Variants in PLPP3 observed in about 807,000 individuals in gnomAD.
The protein encoded by PLPP3 is PAP2 beta.
Under a neutral mutation model 29.6 loss-of-function variants are expected in PLPP3, and 6 were observed. The observed-to-expected ratio is 0.20, with a 90% CI of 0.11 to 0.40. The LOEUF (loss-of-function observed/expected upper bound fraction) is 0.40. Ranked by LOEUF, PLPP3 falls within the 10% of genes least tolerant of loss-of-function variation. The pLI is 1.00. For missense variants in PLPP3, 308 were observed against 407.7 expected (o/e 0.76, Z 2.11); for synonymous variants, 152 against 159.7 (o/e 0.95, Z 0.36).
chr1:56,535,753 A>G (rs1369008972), intron 2 of PLPP3, among the ~76,000 whole-genome samples: 1 of 152,136 alleles, frequency 6.6e-6, no homozygotes, highest in Non-Finnish European at 1.5e-5. Flanking sequence ...CTACTTTAGC[A>G]TTTTCCTTTG....
chr1:56,545,992 C>A (rs1646003169), intron 1 of PLPP3, among the ~76,000 whole-genome samples: 1 of 152,244 alleles, frequency 6.6e-6, no homozygotes, highest in Non-Finnish European at 1.5e-5. Flanking sequence ...GGCCCGCGAT[C>A]TAGCTCAAAG....
chr1:56,535,821 G>A (rs1645923217), intron 2 of PLPP3, among the ~76,000 whole-genome samples: 1 of 152,156 alleles, frequency 6.6e-6, no homozygotes, highest in African/African-American at 2.4e-5. Context: ...GACTCTCAAC[G>A]TTCCAGTGAG....
chr1:56,516,798 T>G (rs1645784202), intron 4 of PLPP3: 1 of 150,002 alleles, frequency 6.7e-6, no homozygotes, highest in African/African-American at 2.5e-5. Context: ...AAAAAAAAAT[T>G]GCTGATTGTG....
At chr1:56,508,851 A>G (rs1220861876) in intron 5 of PLPP3, among the ~76,000 whole-genome samples, 1 of 152,046 alleles carries the variant, frequency 6.6e-6, no homozygotes, top group Non-Finnish European at 1.5e-5. Flanking sequence ...AGATCTACCC[A>G]TCTCTCCTCA....
intron 5 of PLPP3, among the ~76,000 whole-genome samples, chr1:56,510,933 A>G (rs1324136507): frequency 6.6e-6 from 1 of 152,224 alleles, no homozygotes; most frequent in Admixed American, 6.5e-5. Flanking sequence ...GAGAGGCTGC[A>G]TAGTGAGACA....
chr1:56,520,356 C>T (rs1645810270), intron 4 of PLPP3, among the ~76,000 whole-genome samples: 1 of 152,016 alleles, frequency 6.6e-6, no homozygotes, highest in African/African-American at 2.4e-5. Flanking sequence ...TGATTCTCCC[C>T]AACACCCCAG....
At chr1:56,515,462 G>A (rs1645775133) in intron 4 of PLPP3, among the ~76,000 whole-genome samples, 1 of 152,094 alleles carries the variant, frequency 6.6e-6, no homozygotes, top group Admixed American at 6.6e-5. Context: ...CCCTTCCCCT[G>A]ATTCAGATAC....
At chr1:56,535,141 T>G (rs1020304757) in intron 2 of PLPP3, among the ~76,000 whole-genome samples, 7 of 152,168 alleles carry the variant, frequency 4.6e-5, no homozygotes, top group Admixed American at 6.5e-5. Context: ...TCTCAAAACC[T>G]TAGTAAGTAG....
intron 4 of PLPP3, chr1:56,512,913 G>T (rs940480507): frequency 6.6e-6 from 1 of 151,972 alleles, no homozygotes; most frequent in Admixed American, 6.6e-5. Context: ...TATTTCCCTG[G>T]GGATTACGGC....
chr1:56,535,670 A>G (rs1645921749), intron 2 of PLPP3, among the ~76,000 whole-genome samples: 2 of 152,332 alleles, frequency 1.3e-5, no homozygotes, highest in African/African-American at 4.8e-5. Flanking sequence ...GCAAGCAGCA[A>G]GCGAAGAGCT....
At chr1:56,517,375 G>T (rs989393555) in intron 4 of PLPP3, among the ~76,000 whole-genome samples, 21 of 152,262 alleles carry the variant, frequency 1.4e-4, no homozygotes, top group African/African-American at 5.1e-4. Flanking sequence ...ATTTTCGATT[G>T]ACTTTTCCTT....
At chr1:56,500,841 C>T (rs1206191611) in intron 5 of PLPP3, among the ~76,000 whole-genome samples, 1 of 151,454 alleles carries the variant, frequency 6.6e-6, no homozygotes, top group South Asian at 2.1e-4. Context: ...CCCCTCTCTA[C>T]AAAAGTACAA....
chr1:56,567,568 T>C (rs952219289), intron 1 of PLPP3, among the ~76,000 whole-genome samples: 4 of 152,108 alleles, frequency 2.6e-5, no homozygotes, highest in Non-Finnish European at 5.9e-5. Context: ...TGGCTAATTT[T>C]TTGTATTTTT....
chr1:56,502,312 G>A (rs1301899163), intron 5 of PLPP3, among the ~76,000 whole-genome samples: 1 of 152,086 alleles, frequency 6.6e-6, no homozygotes, highest in Non-Finnish European at 1.5e-5. Flanking sequence ...GCTAGCAAAG[G>A]GTAGATAACT....
At chr1:56,548,765 C>T (rs1237929482) in intron 1 of PLPP3, among the ~76,000 whole-genome samples, 1 of 152,196 alleles carries the variant, frequency 6.6e-6, no homozygotes, top group Non-Finnish European at 1.5e-5. Flanking sequence ...CAGCACATGA[C>T]CTGGCAGCCA....
chr1:56,551,131 AG>A (rs1280605995), intron 1 of PLPP3, among the ~76,000 whole-genome samples: 1 of 152,066 alleles, frequency 6.6e-6, no homozygotes, highest in East Asian at 1.9e-4. Context: ...ATATAATGTG[AG>A]GGGGAGGGAA....
chr1:56,539,234 A>G (rs1393076301), intron 1 of PLPP3, among the ~76,000 whole-genome samples: 1 of 152,190 alleles, frequency 6.6e-6, no homozygotes, highest in Non-Finnish European at 1.5e-5. Context: ...AGTTGTTTAA[A>G]AGATAAAATC....
intron 4 of PLPP3, 139 bp from the exon 5 acceptor site, chr1:56,512,291 T>C: frequency 1.3e-6 from 1 of 784,572 alleles, no homozygotes; most frequent in Non-Finnish European, 1.9e-6. Flanking sequence ...TACAGCAATT[T>C]GAACATGACC....
At position 56,524,244 on chromosome 1, in the gene PLPP3, C is replaced by T; in HGVS notation, c.575+33G>A. ...CTGAACTGCACTGTATGAAAGGGGT[C>T]CAGGCTCTGGCCATGCGGAGGTGGT... On this transcript the variant is annotated intron_variant, in intron 3 of 5. Transcript: ENST00000371250. This position sits in a 1 kb window ranked among gnomAD's most constrained non-coding sequence, Gnocchi z 4.3. The T allele has an allele frequency of 6.2e-7, 1 of 1,610,350 alleles. No individual in the cohort carries two copies. Among genetic ancestry groups the T allele is most frequent in the South Asian group, 1.1e-5 (1 of 90,760 alleles).
Sources: gnomAD v4.1 joint callset for allele counts (sites outside exome capture counted in the v4.1 genomes callset) on GRCh38, gnomAD v4.1.1 for gene constraint, Gnocchi (gnomAD v3.1) non-coding constraint, MANE v1.5 for transcripts, NCBI Gene and HGNC (gene_info 2026-07-23, HGNC 2026-07-21) for gene names.